The following PLCB4 variants were observed in gnomAD, a reference collection of about 807,000 sequenced individuals.
PLCB4 encodes phospholipase C beta 4.
A neutral mutation model predicts 178.8 loss-of-function variants in PLCB4; 77 were observed. That is an observed-to-expected ratio of 0.43 (90% CI 0.36 to 0.52). The LOEUF is 0.52. PLCB4 is among the 20% of genes least tolerant of loss of function. The pLI is 0.00. For missense variants in PLCB4, 1,024 were observed against 1,453.4 expected, an observed-to-expected ratio of 0.70 and a Z score of 4.80; for synonymous variants, 496 against 490.8, an observed-to-expected ratio of 1.01 and a Z score of -0.14.
At chr20:9,288,843 C>T (rs6086827) in intron 3 of PLCB4, among the ~76,000 whole-genome samples, 1 of 152,036 alleles carries the variant, frequency 6.6e-6, no homozygotes, top group Non-Finnish European at 1.5e-5. Context: ...AACATATATG[C>T]TAGATTCCAT....
intron 25 of PLCB4, among the ~76,000 whole-genome samples, chr20:9,416,568 G>A (rs999651276): frequency 3.3e-5 from 5 of 152,128 alleles, no homozygotes; most frequent in Non-Finnish European, 5.9e-5. Flanking sequence ...TGCAGGCGTA[G>A]TATTGTAGCT....
At chr20:9,359,428 C>T (rs2035127183) in intron 7 of PLCB4, among the ~76,000 whole-genome samples, 1 of 152,168 alleles carries the variant, frequency 6.6e-6, no homozygotes, top group African/African-American at 2.4e-5. Context: ...CTTTCTTTCC[C>T]CCTTCTTCTT....
intron 7 of PLCB4, among the ~76,000 whole-genome samples, chr20:9,352,387 C>T (rs2034426576): frequency 6.6e-6 from 1 of 152,162 alleles, no homozygotes; most frequent in African/African-American, 2.4e-5. Context: ...TGACAAGATT[C>T]TATAGATCCA....
At chr20:9,108,399 C>T (rs1330478003) in intron 2 of PLCB4, among the ~76,000 whole-genome samples, 1 of 151,996 alleles carries the variant, frequency 6.6e-6, no homozygotes, top group African/African-American at 2.4e-5. Context: ...AGGAGGAAAA[C>T]CAAGGGCATA....
At chr20:9,452,924 A>G (rs558847567) in intron 32 of PLCB4, among the ~76,000 whole-genome samples, 1 of 152,370 alleles carries the variant, frequency 6.6e-6, no homozygotes, top group Admixed American at 6.5e-5. Context: ...CATTTAGCAT[A>G]TACAAGAGAA....
In PLCB4 at chr20:9,137,229, G is replaced by A. The variant is rs141083619; in HGVS notation, c.-79+40887G>A. On this transcript the variant is annotated intron_variant, in intron 2 of 39. Coordinates refer to ENST00000378473, the MANE Select transcript of PLCB4 (RefSeq NM_001377142.1). ...TCTTATTAAACTCCCTTGTTGCCCCGTTTGAGTGTTCCATCTGTTTCCTGC... is the reference window on the plus strand; with the variant it reads ...TCTTATTAAACTCCCTTGTTGCCCCATTTGAGTGTTCCATCTGTTTCCTGC... Among the ~76,000 whole-genome samples the A allele has an allele frequency of 2.5e-3, 375 of 152,126 alleles. 3 individuals carry two copies. Among genetic ancestry groups the A allele is most frequent in the South Asian group, 4.4e-3 (21 of 4,802 alleles).
chr20:9,218,247 C>A (rs909608045), intron 3 of PLCB4, among the ~76,000 whole-genome samples: 1 of 152,128 alleles, frequency 6.6e-6, no homozygotes, highest in Admixed American at 6.5e-5. Context: ...AGTAGCATTA[C>A]AGGTGCATGC....
rs1364424002 is a variant in PLCB4, at chr20:9,397,420, T to C, written c.1510+1802T>C. On this transcript the variant is annotated intron_variant, in intron 19 of 39. Transcript: ENST00000378473. ...GAGTCTCCCAAACTCCTATGAACGT[T>C]GATATTTTTACCTCTTCCCATAAAT... 2.0e-5 allele frequency among the ~76,000 whole-genome samples: 3 copies of C among 152,208 alleles called. No homozygotes were observed. In the South Asian group the frequency reaches 6.2e-4, roughly 32 times the overall value.
At position 9,442,953 on chromosome 20, in the gene PLCB4, C is replaced by A. The variant is rs537679200; in HGVS notation, c.2765-1028C>A. On this transcript the variant is annotated intron_variant, in intron 30 of 39. Transcript: ENST00000378473. ...TCTTTCTTGAATATATCATACCTAG[C>A]CTTTGGGATTCTAATGGAAATCAAT... Among the ~76,000 whole-genome samples the A allele has an allele frequency of 2.0e-5, 3 of 152,240 alleles. No individual in the cohort carries two copies. In the South Asian group the frequency reaches 6.2e-4, roughly 32 times the overall value.
chr20:9,207,246 C>CT (rs139376063), intron 2 of PLCB4, among the ~76,000 whole-genome samples: 117 of 152,308 alleles, frequency 7.7e-4, no homozygotes, highest in Middle Eastern at 6.8e-3. Context: ...CAACAGGACA[C>CT]TGGGGCTGAG....
At chr20:9,148,885 G>A (rs1473616905) in intron 2 of PLCB4, among the ~76,000 whole-genome samples, 1 of 152,202 alleles carries the variant, frequency 6.6e-6, no homozygotes, top group Non-Finnish European at 1.5e-5. Context: ...TTATTGAACT[G>A]TGCAGTAATA....
intron 2 of PLCB4, among the ~76,000 whole-genome samples, chr20:9,168,824 C>G (rs886300282): frequency 6.6e-6 from 1 of 152,132 alleles, no homozygotes; most frequent in Non-Finnish European, 1.5e-5. Context: ...CTTGTTTTCT[C>G]TGGTAGAAAT....
chr20:9,321,254 T>G (rs1376743353), intron 4 of PLCB4, among the ~76,000 whole-genome samples: 5 of 152,192 alleles, frequency 3.3e-5, no homozygotes, highest in African/African-American at 1.2e-4. Context: ...AAGAATTGCT[T>G]GTTAATCAAC....
intron 2 of PLCB4, among the ~76,000 whole-genome samples, chr20:9,120,036 C>T (rs2091905424): frequency 6.6e-6 from 1 of 152,182 alleles, no homozygotes; most frequent in Admixed American, 6.5e-5. Context: ...CAGCAATCTG[C>T]TTTGGCAGCC....
intron 2 of PLCB4, among the ~76,000 whole-genome samples, chr20:9,187,476 A>G (rs1307068522): frequency 2.0e-5 from 3 of 152,208 alleles, no homozygotes; most frequent in East Asian, 1.9e-4. Context: ...TTTCAAGGAC[A>G]TAACTATGTA....
chr20:9,402,282 C>A (rs1298964609), intron 20 of PLCB4, among the ~76,000 whole-genome samples: 1 of 152,078 alleles, frequency 6.6e-6, no homozygotes, highest in African/African-American at 2.4e-5. Flanking sequence ...AATAAGGAAA[C>A]CAGAACGCAA....
intron 2 of PLCB4, among the ~76,000 whole-genome samples, chr20:9,141,774 G>C (rs1465483055): frequency 6.6e-6 from 1 of 152,080 alleles, no homozygotes. Flanking sequence ...GAATTAAATG[G>C]GGGATGGAGT....
chr20:9,462,090 T>A (rs532227618), intron 35 of PLCB4, among the ~76,000 whole-genome samples: 1 of 152,302 alleles, frequency 6.6e-6, no homozygotes, highest in African/African-American at 2.4e-5. Flanking sequence ...TTTGCTGTTC[T>A]GCAGCCTCCG....
intron 26 of PLCB4, 88 bp downstream of exon 26, chr20:9,419,997 A>G: frequency 1.2e-6 from 1 of 829,378 alleles, no homozygotes; most frequent in Non-Finnish European, 2.0e-6. Context: ...GTTAAATTGC[A>G]AGATCCATGT....
Sources: gnomAD v4.1 joint callset for allele counts (sites outside exome capture counted in the v4.1 genomes callset) on GRCh38, gnomAD v4.1.1 for gene constraint, MANE v1.5 for transcripts, NCBI Gene and HGNC (gene_info 2026-07-23, HGNC 2026-07-21) for gene names.